RBFOX1: variants seen among roughly 807,000 people sequenced by gnomAD.
RBFOX1 encodes RNA binding fox-1 homolog 1.
RBFOX1 carries 8 observed loss-of-function variants against 57.7 expected under a neutral mutation model. The observed-to-expected ratio is 0.14, with a 90% confidence interval of 0.08 to 0.25. The LOEUF (loss-of-function observed/expected upper bound fraction) is 0.25, where lower values mean the gene tolerates loss of function less well. Among genes scored for constraint, RBFOX1 ranks in the 10% least tolerant of loss-of-function variants. The pLI is 1.00. For missense variants in RBFOX1, 611 were observed against 548.5 expected, an observed-to-expected ratio of 1.11 and a Z score of -1.14; for synonymous variants, 326 against 222.4, an observed-to-expected ratio of 1.47 and a Z score of -4.15.
intron 3 of RBFOX1, among the ~76,000 whole-genome samples, chr16:6,745,841 C>T (rs1023676457): frequency 9.2e-5 from 14 of 152,110 alleles, no homozygotes; most frequent in African/African-American, 3.1e-4. Context: ...AAAAAACTGT[C>T]TTTATTCATA....
At position 6,774,304 on chromosome 16, in the gene RBFOX1, C is replaced by T. The variant is rs78696465; in HGVS notation, c.-16+119654C>T. ...ATTCCCTCCCAGGTGAGATGGTGCC[C>T]CTCCAGGAAAGTATCAGAATGCAGC... is the stretch of plus-strand genomic sequence containing the variant. On this transcript the variant is annotated intron_variant, in intron 3 of 15. Coordinates refer to ENST00000550418, the MANE Select transcript of RBFOX1 (RefSeq NM_018723.4). Among the ~76,000 whole-genome samples the T allele has an allele frequency of 2.9e-3, 445 of 152,168 alleles. 3 individuals carry two copies. The highest frequency in any genetic ancestry group is 0.01 in the African/African-American group (428 of 41,502).
chr16:5,515,199 G>C (rs1275865686), intron 2 of RBFOX1, among the ~76,000 whole-genome samples: 1 of 152,216 alleles, frequency 6.6e-6, no homozygotes, highest in East Asian at 1.9e-4. Context: ...ATTTCGAGAG[G>C]ACAAACATCC....
chr16:7,120,836 C>CACACACACACACACACAT (rs2066987610), intron 4 of RBFOX1, among the ~76,000 whole-genome samples: 5 of 140,862 alleles, frequency 3.5e-5, no homozygotes, highest in African/African-American at 1.4e-4. Flanking sequence ...TATATACACA[C>CACACACACACACACACAT]ACACACACAC....
chr16:5,434,280 G>T (rs2067845813), intron 1 of RBFOX1, among the ~76,000 whole-genome samples: 1 of 146,284 alleles, frequency 6.8e-6, no homozygotes, highest in Non-Finnish European at 1.5e-5. Flanking sequence ...TCCATCCCCA[G>T]ACACACGCAT....
intron 4 of RBFOX1, among the ~76,000 whole-genome samples, chr16:7,354,694 A>T (rs1013420141): frequency 2.6e-5 from 4 of 152,198 alleles, no homozygotes; most frequent in East Asian, 3.9e-4. Context: ...ACTCTCTGGA[A>T]ACATACTGTG....
intron 2 of RBFOX1, among the ~76,000 whole-genome samples, chr16:5,570,531 C>G (rs572191438): frequency 6.6e-6 from 1 of 152,112 alleles, no homozygotes; most frequent in Non-Finnish European, 1.5e-5. Context: ...GATGCACAAA[C>G]GAATCTTGGG....
At chr16:5,564,025 T>C (rs1025103235) in intron 2 of RBFOX1, among the ~76,000 whole-genome samples, 1 of 152,074 alleles carries the variant, frequency 6.6e-6, no homozygotes, top group Non-Finnish European at 1.5e-5. Flanking sequence ...AAAAATTTTT[T>C]TATTTTTAGA....
intron 3 of RBFOX1, among the ~76,000 whole-genome samples, chr16:6,792,092 A>G (rs892689562): frequency 6.6e-6 from 1 of 152,162 alleles, no homozygotes; most frequent in Non-Finnish European, 1.5e-5. Context: ...ACCTAAATAC[A>G]TTTTAATAGT....
chr16:6,183,247 A>G (rs888666752), intron 1 of RBFOX1, among the ~76,000 whole-genome samples: 16 of 151,902 alleles, frequency 1.1e-4, no homozygotes, highest in African/African-American at 3.1e-4. Context: ...TTGGGAGGCC[A>G]AGGCGGGCAG....
At chr16:7,243,266 G>A (rs6500937) in intron 4 of RBFOX1, among the ~76,000 whole-genome samples, 1 of 151,862 alleles carries the variant, frequency 6.6e-6, no homozygotes, top group Non-Finnish European at 1.5e-5. Context: ...CTCCAAACCA[G>A]CCTATAGGCG....
intron 3 of RBFOX1, among the ~76,000 whole-genome samples, chr16:5,839,891 G>A (rs111688810): frequency 0.02 from 2,976 of 152,280 alleles, 48 homozygotes; most frequent in Non-Finnish European, 0.026. Flanking sequence ...AATCAGTCTC[G>A]TTGGTAACCC....
chr16:5,804,893 T>G (rs2055177873), intron 3 of RBFOX1, among the ~76,000 whole-genome samples: 1 of 152,204 alleles, frequency 6.6e-6, no homozygotes, highest in Non-Finnish European at 1.5e-5. Flanking sequence ...TGTGGGGAAT[T>G]GACGGCTCTT....
At chr16:6,774,822 C>A (rs6500827) in intron 3 of RBFOX1, among the ~76,000 whole-genome samples, 2 of 151,600 alleles carry the variant, frequency 1.3e-5, no homozygotes, top group African/African-American at 2.4e-5. Context: ...AGCCATGAGC[C>A]GTATGGGCCT....
chr16:6,845,109 A>G (rs200301556), intron 3 of RBFOX1, among the ~76,000 whole-genome samples: 7 of 151,420 alleles, frequency 4.6e-5, no homozygotes, highest in East Asian at 2.0e-4. Context: ...GATTGCGAAC[A>G]TTGTCTGCCA....
chr16:7,637,399 A>G (rs958014557), intron 11 of RBFOX1, among the ~76,000 whole-genome samples: 2 of 152,212 alleles, frequency 1.3e-5, no homozygotes, highest in African/African-American at 2.4e-5. Flanking sequence ...TGGTAGGGGC[A>G]TAGTTTCAAC....
chr16:5,388,560 CTG>C (rs1459960936), intron 1 of RBFOX1, among the ~76,000 whole-genome samples: 1 of 151,746 alleles, frequency 6.6e-6, no homozygotes, highest in Non-Finnish European at 1.5e-5. Context: ...GTGTGTGTTT[CTG>C]TGTGTGTGTA....
chr16:6,994,144 G>A (rs912998636), intron 3 of RBFOX1, among the ~76,000 whole-genome samples: 2 of 152,074 alleles, frequency 1.3e-5, no homozygotes, highest in African/African-American at 4.8e-5. Context: ...AATTGCGCTT[G>A]GGGTATTGGC....
At chr16:6,595,469 A>G (rs1218572703) in intron 2 of RBFOX1, among the ~76,000 whole-genome samples, 1 of 152,198 alleles carries the variant, frequency 6.6e-6, no homozygotes, top group Non-Finnish European at 1.5e-5. Flanking sequence ...GTTGTCAAAC[A>G]TTTGGATTGT....
At chr16:7,703,435 G>A (rs113670948) in intron 14 of RBFOX1, among the ~76,000 whole-genome samples, 9 of 150,536 alleles carry the variant, frequency 6.0e-5, no homozygotes, top group African/African-American at 7.5e-5. Flanking sequence ...CTGCTCCACA[G>A]GATTCACCCA....
Sources: gnomAD v4.1 joint callset for allele counts (sites outside exome capture counted in the v4.1 genomes callset) on GRCh38, gnomAD v4.1.1 for gene constraint, MANE v1.5 for transcripts, NCBI Gene and HGNC (gene_info 2026-07-23, HGNC 2026-07-21) for gene names.